Variants in ULK4 observed in about 807,000 individuals in gnomAD.
The protein encoded by ULK4 is unc-51 like kinase 4.
Under a neutral mutation model 160.6 loss-of-function variants are expected in ULK4, and 133 were observed. The observed-to-expected ratio is 0.83, with a 90% CI of 0.72 to 0.96. The LOEUF is 0.96. ULK4 is among the 40% of genes least tolerant of loss of function. ULK4 has a pLI of 0.00. For missense variants in ULK4, 1,580 were observed against 1,499.5 expected (o/e 1.05, Z -0.89); for synonymous variants, 534 against 539.8 (o/e 0.99, Z 0.15).
chr3:41,955,270 A>T (rs1240110962), intron 1 of ULK4, among the ~76,000 whole-genome samples: 14 of 152,256 alleles, frequency 9.2e-5, no homozygotes, highest in Non-Finnish European at 2.1e-4. Flanking sequence ...AACCAGGGCG[A>T]CAAGGAGAGA....
chr3:41,843,644 G>A (rs1013926572), intron 17 of ULK4, among the ~76,000 whole-genome samples: 1 of 152,136 alleles, frequency 6.6e-6, no homozygotes, highest in African/African-American at 2.4e-5. Flanking sequence ...CCTTCGTGGT[G>A]AGTGTTACAG....
intron 22 of ULK4, among the ~76,000 whole-genome samples, chr3:41,725,573 C>G (rs1350792135): frequency 6.6e-6 from 1 of 152,016 alleles, no homozygotes; most frequent in African/African-American, 2.4e-5. Context: ...TTTAATAGTT[C>G]TAGTTCTCCA....
At chr3:41,407,042 C>G (rs1418282142) in intron 34 of ULK4, among the ~76,000 whole-genome samples, 1 of 152,102 alleles carries the variant, frequency 6.6e-6, no homozygotes, top group Non-Finnish European at 1.5e-5. Flanking sequence ...TCCTGAAAGA[C>G]AGCTAGAGTT....
intron 35 of ULK4, among the ~76,000 whole-genome samples, chr3:41,338,915 C>T (rs751203719): frequency 4.5e-4 from 69 of 152,010 alleles, no homozygotes; most frequent in Middle Eastern, 6.8e-3. Flanking sequence ...TGAATCCTCC[C>T]TTCTCCCACC....
At chr3:41,936,753 C>G (rs955242665) in intron 3 of ULK4, among the ~76,000 whole-genome samples, 1 of 152,026 alleles carries the variant, frequency 6.6e-6, no homozygotes, top group South Asian at 2.1e-4. Flanking sequence ...AGAAGAATGG[C>G]TACCAGAGGT....
At chr3:41,484,401 A>G (rs1229017668) in intron 32 of ULK4, among the ~76,000 whole-genome samples, 1 of 151,630 alleles carries the variant, frequency 6.6e-6, no homozygotes, top group Non-Finnish European at 1.5e-5. Flanking sequence ...GCGCCTGGAG[A>G]TATACATCCT....
At chr3:41,869,844 A>G (rs1697027438) in intron 17 of ULK4, among the ~76,000 whole-genome samples, 1 of 152,168 alleles carries the variant, frequency 6.6e-6, no homozygotes. Flanking sequence ...CCAGGTTTAT[A>G]TTTGCTCATT....
intron 32 of ULK4, among the ~76,000 whole-genome samples, chr3:41,511,545 T>C (rs1036959893): frequency 6.6e-6 from 1 of 152,248 alleles, no homozygotes; most frequent in African/African-American, 2.4e-5. Context: ...CTAGAGGAGA[T>C]GGATAAATTC....
In ULK4 at chr3:41,463,119, AG is replaced by A. The variant is rs1453658406; in HGVS notation, c.3360del (p.Tyr1121IlefsTer34). On this transcript the variant is annotated frameshift_variant, in exon 33 of 37. Coordinates refer to ENST00000301831, the MANE Select transcript of ULK4 (RefSeq NM_017886.4). LOFTEE classifies it high-confidence loss of function. The part of the protein sequence containing the change: ...SLLDILHSML[T>X]YTSGIVRLAL... ...GCCAGCCGTACAATACCGGAGGTAT[AG>A]GTCAGCATGCTGTGCAAAATATCAA... The A allele has an allele frequency of 6.2e-7, 1 of 1,613,784 alleles. No individual in the cohort carries two copies. The highest frequency in any genetic ancestry group is 1.1e-5 in the South Asian group (1 of 91,062).
At chr3:41,855,197 G>A (rs1439865199) in intron 17 of ULK4, among the ~76,000 whole-genome samples, 1 of 137,506 alleles carries the variant, frequency 7.3e-6, no homozygotes, top group East Asian at 1.9e-4. Flanking sequence ...CCAATATAGG[G>A]TACCTTGACC....
At chr3:41,892,969 A>G (rs145551697) in intron 16 of ULK4, among the ~76,000 whole-genome samples, 3,173 of 152,260 alleles carry the variant, frequency 0.021, 101 homozygotes, top group African/African-American at 0.072. Flanking sequence ...GCAGCACCCA[A>G]TTGAAGCCTT....
chr3:41,909,092 C>CAAAAAAAAA, intron 11 of ULK4, among the ~76,000 whole-genome samples: 1 of 106,354 alleles, frequency 9.4e-6, no homozygotes, highest in Admixed American at 1.1e-4. Context: ...CACTCCATCT[C>CAAAAAAAAA]AAAAAAAAAA....
intron 2 of ULK4, among the ~76,000 whole-genome samples, chr3:41,944,447 G>A (rs1030946427): frequency 6.6e-6 from 1 of 152,064 alleles, no homozygotes; most frequent in African/African-American, 2.4e-5. Context: ...CTAAAAAAAC[G>A]TAATTTCAGA....
At chr3:41,622,787 C>G (rs1414542735) in intron 30 of ULK4, among the ~76,000 whole-genome samples, 2 of 152,172 alleles carry the variant, frequency 1.3e-5, no homozygotes, top group Non-Finnish European at 2.9e-5. Context: ...ATTTGAATCT[C>G]TAAATACTCT....
chr3:41,754,898 C>T (rs1392286901), intron 21 of ULK4, among the ~76,000 whole-genome samples: 1 of 152,056 alleles, frequency 6.6e-6, no homozygotes, highest in Non-Finnish European at 1.5e-5. Context: ...AGAAGAGCTG[C>T]ATATAGAGAG....
At chr3:41,621,752 A>G (rs1211991609) in intron 30 of ULK4, among the ~76,000 whole-genome samples, 1 of 152,226 alleles carries the variant, frequency 6.6e-6, no homozygotes, top group African/African-American at 2.4e-5. Context: ...ACAAAAGCCA[A>G]AATTGACAAA....
chr3:41,389,514 T>C (rs1341933798), intron 35 of ULK4, among the ~76,000 whole-genome samples: 5 of 152,210 alleles, frequency 3.3e-5, no homozygotes, highest in Non-Finnish European at 4.4e-5. Flanking sequence ...GGGTTTGTCA[T>C]AGATAGCTCT....
At chr3:41,472,026 A>C (rs2084007313) in intron 32 of ULK4, among the ~76,000 whole-genome samples, 1 of 151,862 alleles carries the variant, frequency 6.6e-6, no homozygotes, top group Non-Finnish European at 1.5e-5. Context: ...ATAGAACTAG[A>C]AAAGCAATAC....
chr3:41,955,267 G>A (rs1700443354), intron 1 of ULK4, among the ~76,000 whole-genome samples: 1 of 152,220 alleles, frequency 6.6e-6, no homozygotes. Context: ...TCCAACCAGG[G>A]CGACAAGGAG....
Sources: allele counts gnomAD v4.1 joint callset (sites outside exome capture counted in the v4.1 genomes callset), GRCh38; gene constraint gnomAD v4.1.1; transcripts MANE v1.5; gene names NCBI Gene and HGNC (gene_info 2026-07-23, HGNC 2026-07-21).